ANKDD1B: variants seen among roughly 807,000 people sequenced by gnomAD.
ANKDD1B encodes ankyrin repeat and death domain containing 1B.
In ANKDD1B, 57 loss-of-function variants were observed where a neutral mutation model predicts 59.7. The observed-to-expected ratio is 0.95, with a 90% CI of 0.77 to 1.19. The LOEUF (loss-of-function observed/expected upper bound fraction) is 1.19, where lower values mean the gene tolerates loss of function less well. Among genes scored for constraint, ANKDD1B ranks in the 50% most tolerant of loss-of-function variants. The pLI is 0.00. For synonymous variants in ANKDD1B, 216 were observed against 239.5 expected (o/e 0.90, Z 0.91); for missense variants, 602 against 641.9 (o/e 0.94, Z 0.67).
At chr5:75,636,018 C>A in intron 7 of ANKDD1B, 136 bp downstream of exon 7, 1 of 537,976 alleles carries the variant, frequency 1.9e-6, no homozygotes, top group Non-Finnish European at 3.3e-6. Context: ...AAGATTCTTA[C>A]TTTATTCTTC....
At chr5:75,663,836 A>G (rs914590860) in intron 11 of ANKDD1B, among the ~76,000 whole-genome samples, 7 of 152,224 alleles carry the variant, frequency 4.6e-5, no homozygotes, top group African/African-American at 1.7e-4. Context: ...AGTAGCACGA[A>G]TGAGTGGTTA....
In ANKDD1B at chr5:75,669,597, C is replaced by T. The variant is rs184971923; in HGVS notation, c.1525+214C>T. On this transcript the variant is annotated intron_variant, in intron 13 of 13. Transcript: ENST00000601380. ...CTGGTTACTCATTAGCCTGGCAGTT[C>T]TGTGTCATCCCCCTACTCAGCATTT... Among the ~76,000 whole-genome samples the T allele has an allele frequency of 2.5e-3, 380 of 152,160 alleles. 2 individuals carry two copies. The highest frequency in any genetic ancestry group is 8.8e-3 in the African/African-American group (366 of 41,502).
intron 7 of ANKDD1B, among the ~76,000 whole-genome samples, chr5:75,650,056 A>G (rs532021988): frequency 1.3e-5 from 2 of 152,284 alleles, no homozygotes; most frequent in East Asian, 1.9e-4. Context: ...GTATCCTCCC[A>G]GTAGTATTGT....
intron 5 of ANKDD1B, among the ~76,000 whole-genome samples, chr5:75,633,898 T>C (rs972738353): frequency 3.3e-5 from 5 of 152,170 alleles, no homozygotes; most frequent in Admixed American, 6.5e-5. Flanking sequence ...CTAGATTCAT[T>C]CTCATAGGAA....
intron 5 of ANKDD1B, among the ~76,000 whole-genome samples, chr5:75,626,739 G>T (rs1438496803): frequency 6.6e-6 from 1 of 151,812 alleles, no homozygotes; most frequent in Non-Finnish European, 1.5e-5. Flanking sequence ...TATTGGTCAT[G>T]TCAGGGACTG....
intron 10 of ANKDD1B, 63 bp downstream of exon 10, chr5:75,659,444 C>T: frequency 9.1e-7 from 1 of 1,100,554 alleles, no homozygotes; most frequent in Admixed American, 2.0e-5. Flanking sequence ...TGTTGGATGT[C>T]AGCCTTGAGC....
At chr5:75,635,735 A>G (rs1445712028) in intron 6 of ANKDD1B, 49 bp from the exon 7 acceptor site, 3 of 1,228,758 alleles carry the variant, frequency 2.4e-6, no homozygotes, top group Admixed American at 2.1e-5. Flanking sequence ...TTGAAGGAGC[A>G]TGCTCTCCTG....
intron 3 of ANKDD1B, among the ~76,000 whole-genome samples, chr5:75,625,062 T>C (rs773472857): frequency 6.6e-6 from 1 of 152,180 alleles, no homozygotes; most frequent in Admixed American, 6.5e-5. Flanking sequence ...TCCTTATATA[T>C]ATAGAATTAG....
intron 8 of ANKDD1B, among the ~76,000 whole-genome samples, chr5:75,654,461 A>G (rs767032646): frequency 6.6e-6 from 1 of 152,182 alleles, no homozygotes; most frequent in Non-Finnish European, 1.5e-5. Flanking sequence ...CTGGTGTTTA[A>G]AACAGAGTAT....
chr5:75,669,698 A>G (rs532652126), intron 13 of ANKDD1B, among the ~76,000 whole-genome samples: 8 of 152,150 alleles, frequency 5.3e-5, no homozygotes, highest in Non-Finnish European at 7.4e-5. Flanking sequence ...GTGCTAAACT[A>G]TCCCATACAG....
intron 8 of ANKDD1B, among the ~76,000 whole-genome samples, chr5:75,655,016 C>A (rs1429885617): frequency 6.6e-6 from 1 of 152,208 alleles, no homozygotes; most frequent in Non-Finnish European, 1.5e-5. Context: ...TCTGCCCTCA[C>A]TTCCCTTCGT....
At chr5:75,668,358 G>T (rs1273426735) in intron 12 of ANKDD1B, among the ~76,000 whole-genome samples, 2 of 152,176 alleles carry the variant, frequency 1.3e-5, no homozygotes, top group African/African-American at 4.8e-5. Flanking sequence ...TGGGGAGTTT[G>T]TGGGCTTTTG....
intron 6 of ANKDD1B, chr5:75,635,233 A>G (rs1042430721): frequency 8.1e-6 from 3 of 372,358 alleles, no homozygotes; most frequent in African/African-American, 6.1e-5. Flanking sequence ...TCGATAGACC[A>G]CATGGATTTT....
chr5:75,631,452 C>A (rs1774156229), intron 5 of ANKDD1B, among the ~76,000 whole-genome samples: 1 of 152,182 alleles, frequency 6.6e-6, no homozygotes, highest in African/African-American at 2.4e-5. Context: ...GAAGGGGAAA[C>A]CATCTTTTGG....
chr5:75,664,296 C>G (rs762355627), intron 11 of ANKDD1B, among the ~76,000 whole-genome samples: 2 of 152,226 alleles, frequency 1.3e-5, no homozygotes, highest in Non-Finnish European at 2.9e-5. Context: ...ATTTACTCAT[C>G]TCCTTCTCTC....
intron 7 of ANKDD1B, among the ~76,000 whole-genome samples, chr5:75,649,259 G>A (rs1774755655): frequency 6.8e-6 from 1 of 146,904 alleles, no homozygotes; most frequent in Non-Finnish European, 1.5e-5. Context: ...ATTTGGCTAT[G>A]ACAGACTCAC....
Position 75,642,466 on chromosome 5 carries a change from G to T in ANKDD1B, c.798+6584G>T, listed in dbSNP as rs575344069. ...CAAGGGGTCAGGGAGTTCCCTTTCC[G>T]AGTCAAAGAAAGGGGTGACGGACGC... On this transcript the variant is annotated intron_variant, in intron 7 of 13. Transcript: ENST00000601380. Among the ~76,000 whole-genome samples, 151 of 138,024 alleles carry T rather than the reference G, an allele frequency of 1.1e-3. 5 individuals carry two copies. The East Asian group carries it at 0.03, about 27-fold the overall frequency. 90.5% of individuals were successfully genotyped at this position (138,024 alleles called of 152,430 possible).
At chr5:75,661,424 A>G (rs902290926) in intron 10 of ANKDD1B, among the ~76,000 whole-genome samples, 1 of 147,356 alleles carries the variant, frequency 6.8e-6, no homozygotes, top group Non-Finnish European at 1.5e-5. Context: ...AAAAAAAAAA[A>G]AGTAACACAG....
At chr5:75,655,120 G>A (rs1329749980) in intron 8 of ANKDD1B, among the ~76,000 whole-genome samples, 4 of 152,196 alleles carry the variant, frequency 2.6e-5, no homozygotes, top group Non-Finnish European at 2.9e-5. Context: ...TGGCAGCTGG[G>A]TGGGACTGTA....
Sources: allele counts gnomAD v4.1 joint callset (sites outside exome capture counted in the v4.1 genomes callset), GRCh38; gene constraint gnomAD v4.1.1; transcripts MANE v1.5; gene names NCBI Gene and HGNC (gene_info 2026-07-23, HGNC 2026-07-21).